Variants in FYB2 observed in about 807,000 individuals in gnomAD.
FYB2 encodes FYN binding protein 2, also known as FYN-binding protein 2.
FYB2 carries 103 observed loss-of-function variants against 94.1 expected under a neutral mutation model. That is an observed-to-expected ratio of 1.09 (90% CI 0.93 to 1.29). FYB2 has a LOEUF of 1.29. FYB2 is among the 50% of genes most tolerant of loss of function. FYB2 has a pLI of 0.00. For missense variants in FYB2, 896 were observed against 841.5 expected, an observed-to-expected ratio of 1.06 and a Z score of -0.80; for synonymous variants, 293 against 287.9, an observed-to-expected ratio of 1.02 and a Z score of -0.18.
In FYB2 at chr1:56,787,220, AG is replaced by A. The variant is rs1259720328; in HGVS notation, c.920-13del. 1 of 1,613,872 alleles carries A rather than the reference AG, an allele frequency of 6.2e-7. No homozygotes were observed. Among genetic ancestry groups the A allele is most frequent in the South Asian group, 1.1e-5 (1 of 91,080 alleles). On this transcript the variant is annotated splice_polypyrimidine_tract_variant and intron_variant, in intron 3 of 19. Coordinates refer to ENST00000343433, the MANE Select transcript of FYB2 (RefSeq NM_001004303.5). The stretch of plus-strand genomic sequence containing the variant: ...CTCTTCCACAGTCACTGCAAGAGAA[AG>A]AGGCGGAATGAAAAAGAGGCATTTG...
At chr1:56,733,157 A>G (rs986251415) in intron 15 of FYB2, among the ~76,000 whole-genome samples, 5 of 152,064 alleles carry the variant, frequency 3.3e-5, no homozygotes, top group African/African-American at 1.2e-4. Context: ...CAATTAAAAA[A>G]TGGGCAAATG....
rs1449116152 is a variant in FYB2, at chr1:56,718,827, T to C, written c.*844A>G. 1 of 152,644 alleles carries C rather than the reference T, an allele frequency of 6.6e-6. No homozygotes were observed. The highest frequency in any genetic ancestry group is 2.4e-5 in the African/African-American group (1 of 41,466). The allele number at this position is 152,644 out of a possible 1,614,324, so 9.5% of individuals were successfully genotyped here. A position where few individuals can be genotyped will look rare whatever the true frequency, so the allele number is the denominator to read the frequency against. On this transcript the variant is annotated 3_prime_UTR_variant, in exon 20 of 20. Transcript: ENST00000343433. ...AATGCATATGTAGAATTTATTTCTCTTATTGACATGCAGTGCACCTCATTT... is the reference window on the plus strand; with the variant it reads ...AATGCATATGTAGAATTTATTTCTCCTATTGACATGCAGTGCACCTCATTT...
chr1:56,744,561 T>A (rs1215054387), intron 9 of FYB2, among the ~76,000 whole-genome samples: 6 of 151,974 alleles, frequency 3.9e-5, no homozygotes, highest in Non-Finnish European at 7.4e-5. Context: ...GTAACTCCCT[T>A]CTTTGATGGT....
intron 15 of FYB2, among the ~76,000 whole-genome samples, chr1:56,733,922 A>G (rs1225382159): frequency 2.0e-5 from 3 of 152,142 alleles, no homozygotes; most frequent in Non-Finnish European, 2.9e-5. Flanking sequence ...GTAGATGTCT[A>G]TTAGGTCCAC....
At chr1:56,746,552 A>T (rs1645071924) in intron 9 of FYB2, among the ~76,000 whole-genome samples, 1 of 152,026 alleles carries the variant, frequency 6.6e-6, no homozygotes, top group Non-Finnish European at 1.5e-5. Context: ...GGAATAATTT[A>T]GTATGCACTC....
intron 5 of FYB2, among the ~76,000 whole-genome samples, chr1:56,760,044 A>G (rs937998314): frequency 1.4e-5 from 2 of 144,876 alleles, no homozygotes; most frequent in African/African-American, 5.2e-5. Flanking sequence ...GCGCTACTGT[A>G]TTCCAGCCTG....
intron 14 of FYB2, among the ~76,000 whole-genome samples, chr1:56,737,881 A>T (rs1041922196): frequency 6.6e-6 from 1 of 152,034 alleles, no homozygotes; most frequent in Non-Finnish European, 1.5e-5. Context: ...CAGACCAAGG[A>T]TATGTTGAGA....
intron 15 of FYB2, among the ~76,000 whole-genome samples, chr1:56,732,763 C>A (rs7548849): frequency 0.027 from 4,051 of 152,092 alleles, 143 homozygotes; most frequent in African/African-American, 0.091. Flanking sequence ...GCTAGGAAAA[C>A]TGGATATCCA....
intron 4 of FYB2, among the ~76,000 whole-genome samples, chr1:56,779,932 C>T (rs1645969060): frequency 6.6e-6 from 1 of 152,056 alleles, no homozygotes; most frequent in African/African-American, 2.4e-5. Context: ...CATGGTTTCT[C>T]ACCTATAAAA....
intron 4 of FYB2, among the ~76,000 whole-genome samples, chr1:56,782,347 T>A (rs371536547): frequency 2.0e-3 from 303 of 152,292 alleles, no homozygotes; most frequent in African/African-American, 7.0e-3. Flanking sequence ...CTTATTACGA[T>A]GAAAATAAGT....
chr1:56,792,840 A>G, intron 1 of FYB2, 37 bp from the exon 2 acceptor site: 1 of 1,543,052 alleles, frequency 6.5e-7, no homozygotes, highest in Non-Finnish European at 8.7e-7. Flanking sequence ...AAACAAAAAC[A>G]AAAACAAACA....
chr1:56,758,592 T>C lies in FYB2; in HGVS notation c.1098+124A>G, dbSNP rs1645414503. 10 of 739,620 alleles carry C rather than the reference T, an allele frequency of 1.4e-5. No homozygotes were observed. In the East Asian group the frequency reaches 3.2e-4, roughly 24 times the overall value. The allele number at this position is 739,620 out of a possible 1,614,324, so 45.8% of individuals were successfully genotyped here. A position where few individuals can be genotyped will look rare whatever the true frequency, so the allele number is the denominator to read the frequency against. ...CTCTTAGAAGCTGGAGTCTGGAAAA[T>C]CCTCAGAAATAGGAGGAAAAATGAA... On this transcript the variant is annotated intron_variant, in intron 6 of 19. Transcript: ENST00000343433.
chr1:56,810,749 G>A (rs867899898), intron 1 of FYB2, among the ~76,000 whole-genome samples: 2 of 152,164 alleles, frequency 1.3e-5, no homozygotes, highest in African/African-American at 2.4e-5. Flanking sequence ...TGCCTGGAAC[G>A]CACAGCTTAA....
intron 4 of FYB2, among the ~76,000 whole-genome samples, chr1:56,779,640 T>G (rs1361471233): frequency 6.6e-6 from 1 of 152,204 alleles, no homozygotes; most frequent in Non-Finnish European, 1.5e-5. Flanking sequence ...TATCATTCTT[T>G]CCATCCATCC....
intron 7 of FYB2, among the ~76,000 whole-genome samples, chr1:56,754,237 C>A (rs1195021853): frequency 6.6e-6 from 1 of 151,986 alleles, no homozygotes; most frequent in African/African-American, 2.4e-5. Flanking sequence ...AACTCATCTC[C>A]TGCTGCTTTT....
intron 4 of FYB2, among the ~76,000 whole-genome samples, chr1:56,779,705 C>T (rs376629005): frequency 1.4e-4 from 22 of 151,986 alleles, no homozygotes; most frequent in African/African-American, 1.9e-4. Context: ...CTCAGTCATT[C>T]GATAATTATT....
chr1:56,781,045 C>T (rs1286822151), intron 4 of FYB2, among the ~76,000 whole-genome samples: 7 of 152,166 alleles, frequency 4.6e-5, no homozygotes, highest in East Asian at 1.9e-4. Context: ...TTTTGTTGTT[C>T]GTCAATCAGG....
At chr1:56,824,931 A>G in the FYB2 span, 2 of 152,228 alleles carry the variant, frequency 1.3e-5, no homozygotes, top group Non-Finnish European at 2.9e-5. Context: ...GCCTTTGTTC[A>G]TATTGCAAGG....
intron 16 of FYB2, among the ~76,000 whole-genome samples, chr1:56,726,187 A>G (rs1644579712): frequency 6.6e-6 from 1 of 152,072 alleles, no homozygotes; most frequent in African/African-American, 2.4e-5. Flanking sequence ...TAGAGAGGGA[A>G]GTTCTTACAC....
Sources: gnomAD v4.1 joint callset for allele counts (sites outside exome capture counted in the v4.1 genomes callset) on GRCh38, gnomAD v4.1.1 for gene constraint, MANE v1.5 for transcripts, NCBI Gene and HGNC (gene_info 2026-07-23, HGNC 2026-07-21) for gene names.